The following PKHD1L1 variants were observed in gnomAD, a reference collection of about 807,000 sequenced individuals.
The protein encoded by PKHD1L1 is PKHD1 like 1.
Under a neutral mutation model 462.9 loss-of-function variants are expected in PKHD1L1, and 434 were observed. The ratio of observed to expected loss-of-function variants is 0.94; its 90% confidence interval spans 0.87 to 1.02. PKHD1L1 has a LOEUF of 1.02. Ranked by LOEUF, PKHD1L1 falls within the 50% of genes least tolerant of loss-of-function variation. The pLI is 0.00. For synonymous variants in PKHD1L1, 1,781 were observed against 1,750.0 expected (o/e 1.02, Z -0.44); for missense variants, 5,202 against 5,096.1 (o/e 1.02, Z -0.63).
At chr8:109,412,461 G>A in intron 20 of PKHD1L1, 47 bp downstream of exon 20, 13 of 1,487,272 alleles carry the variant, frequency 8.7e-6, no homozygotes, top group East Asian at 2.4e-5. Flanking sequence ...AAAATACCTT[G>A]GTAATAAAAT....
chr8:109,438,366 T>A lies in PKHD1L1; in HGVS notation c.3670T>A (p.Phe1224Ile), dbSNP rs776128351. The A allele has an allele frequency of 6.5e-7, 1 of 1,541,528 alleles. No homozygotes were observed. Among genetic ancestry groups the A allele is most frequent in the Non-Finnish European group, 8.8e-7 (1 of 1,139,036 alleles). Residue 1224 changes from phenylalanine (F) to isoleucine (I), a missense_variant, in exon 31 of 78, where the codon TTT (phenylalanine) becomes ATT (isoleucine). Phe to Ile is a conservative substitution (Grantham distance 21). Transcript: ENST00000378402. The stretch of plus-strand genomic sequence containing the variant: ...TGATATTTCAGTTACTACCAATGGA[T>A]TTCAAGCCACAGCAAGGGATGCTTT... Reference protein sequence around the residue: ...TVDISVTTNGFQATARDAFSY... With the variant: ...TVDISVTTNGIQATARDAFSY...
chr8:109,468,579 T>C (rs1817564310), intron 50 of PKHD1L1, among the ~76,000 whole-genome samples: 1 of 152,194 alleles, frequency 6.6e-6, no homozygotes, highest in Non-Finnish European at 1.5e-5. Flanking sequence ...ATTTTATATG[T>C]CTGTTTCCAC....
At chr8:109,468,057 T>C (rs1817542542) in intron 50 of PKHD1L1, among the ~76,000 whole-genome samples, 1 of 152,204 alleles carries the variant, frequency 6.6e-6, no homozygotes, top group South Asian at 2.1e-4. Context: ...TTTAATGATA[T>C]TTACAAAGTA....
At chr8:109,486,866 A>G (rs779360283) in intron 59 of PKHD1L1, 45 bp downstream of exon 59, 1 of 1,540,574 alleles carries the variant, frequency 6.5e-7, no homozygotes, top group Admixed American at 1.7e-5. Flanking sequence ...CTATAACATT[A>G]TCTCATCTAT....
rs747931987 is a variant in PKHD1L1, at chr8:109,526,875, T to C, written c.12576T>C (p.Ser4192=). The C allele has an allele frequency of 2.8e-5, 45 of 1,607,846 alleles. 1 individual carries two copies. The South Asian group carries it at 4.8e-4, about 17-fold the overall frequency. ...FSLLAESVSS[S]GSSSSSNSKA... ...TGCTGGCAGAGTCTGTCTCTAGCAG[T>C]GGCAGCAGCAGCAGCAGCAACAGCA... Residue 4192 remains serine (S), a synonymous_variant, in exon 77 of 78, where the codon AGT becomes AGC. Transcript: ENST00000378402.
intron 63 of PKHD1L1, among the ~76,000 whole-genome samples, chr8:109,495,657 A>T (rs1446716400): frequency 6.6e-6 from 1 of 152,272 alleles, no homozygotes; most frequent in East Asian, 1.9e-4. Flanking sequence ...TCTTTTAATA[A>T]TAATAATTTT....
intron 9 of PKHD1L1, among the ~76,000 whole-genome samples, chr8:109,393,497 A>G (rs1344312559): frequency 1.3e-5 from 2 of 152,170 alleles, no homozygotes; most frequent in African/African-American, 4.8e-5. Context: ...CACTGTGTTT[A>G]TTAAGGACAG....
At chr8:109,417,979 T>C (rs1814271959) in intron 21 of PKHD1L1, among the ~76,000 whole-genome samples, 1 of 152,200 alleles carries the variant, frequency 6.6e-6, no homozygotes. Flanking sequence ...CCCCCAAAAT[T>C]GTTCTACAAC....
At chr8:109,506,876 C>T (rs1207470263) in intron 68 of PKHD1L1, among the ~76,000 whole-genome samples, 1 of 152,026 alleles carries the variant, frequency 6.6e-6, no homozygotes, top group Non-Finnish European at 1.5e-5. Flanking sequence ...TGTATGCATA[C>T]CATTTGAATG....
chr8:109,402,593 C>T (rs1178667079), intron 14 of PKHD1L1, among the ~76,000 whole-genome samples: 1 of 152,178 alleles, frequency 6.6e-6, no homozygotes, highest in African/African-American at 2.4e-5. Flanking sequence ...AATGCACACA[C>T]ACTCTGCAAT....
intron 50 of PKHD1L1, chr8:109,470,514 G>A (rs1439493154): frequency 7.5e-6 from 12 of 1,610,674 alleles, no homozygotes; most frequent in Non-Finnish European, 9.3e-6. Context: ...GAAAAGAAAG[G>A]GAAAAGAAGC....
rs1279497837 is a variant in PKHD1L1, at chr8:109,535,873, A to G, written c.*5783A>G. Among the ~76,000 whole-genome samples the G allele has an allele frequency of 2.0e-5, 3 of 152,228 alleles. No homozygotes were observed. Among genetic ancestry groups the G allele is most frequent in the South Asian group, 2.1e-4 (1 of 4,836 alleles). ...GGCAACAGATCTTGGTATGAAATAA[A>G]TATCCCATGAGTAGTACATAAAAGC... On this transcript the variant is annotated 3_prime_UTR_variant, in exon 78 of 78. Coordinates refer to ENST00000378402, the MANE Select transcript of PKHD1L1 (RefSeq NM_177531.6).
At position 109,479,546 on chromosome 8, in the gene PKHD1L1, T is replaced by G. The variant is rs536424730; in HGVS notation, c.9090-5T>G. 1.5e-4 allele frequency: 229 copies of G among 1,477,936 alleles called. 5 individuals carry two copies. The Middle Eastern group carries it at 2.2e-3, about 14-fold the overall frequency. 91.6% of individuals were successfully genotyped at this position (1,477,936 alleles called of 1,614,324 possible). A position where few individuals can be genotyped will look rare whatever the true frequency, so the allele number is the denominator to read the frequency against. ...TTCATGGAAGTATTTCTCTTCTCTT[T>G]TCAGTTTATGGTCAAATGATTCTTT... On this transcript the variant is annotated splice_polypyrimidine_tract_variant and splice_region_variant and intron_variant, in intron 53 of 77. Transcript: ENST00000378402.
chr8:109,390,362 T>C (rs1418997968), intron 8 of PKHD1L1, 90 bp from the exon 9 acceptor site: 7 of 675,030 alleles, frequency 1.0e-5, no homozygotes, highest in South Asian at 4.2e-5. Flanking sequence ...TTGTACTTTT[T>C]CTCTGCTTTT....
intron 34 of PKHD1L1, among the ~76,000 whole-genome samples, chr8:109,441,612 T>C (rs1815798403): frequency 2.0e-5 from 3 of 152,152 alleles, no homozygotes; most frequent in Admixed American, 2.0e-4. Context: ...TACCATTTGG[T>C]TTTGCTCTAG....
chr8:109,384,072 A>G lies in PKHD1L1; in HGVS notation c.420A>G (p.Ala140=). ...TATTGACATTATTCTTTTTACAGGC[A>G]AAAAGTTTTAGAACCCCAACAATAA... ...HINSWECTFN[A]KSFRTPTIRS... Residue 140 remains alanine, a splice_region_variant and synonymous_variant, in exon 5 of 78, where the codon GCA becomes GCG. Transcript: ENST00000378402. The G allele has an allele frequency of 6.2e-7, 1 of 1,606,456 alleles. No homozygotes were observed.
At chr8:109,494,310 A>G (rs552707520) in intron 63 of PKHD1L1, among the ~76,000 whole-genome samples, 1 of 151,996 alleles carries the variant, frequency 6.6e-6, no homozygotes, top group African/African-American at 2.4e-5. Flanking sequence ...AAACAATATA[A>G]TCTCTACTTA....
intron 45 of PKHD1L1, among the ~76,000 whole-genome samples, chr8:109,455,674 A>G (rs1816782012): frequency 6.6e-6 from 1 of 152,016 alleles, no homozygotes; most frequent in South Asian, 2.1e-4. Flanking sequence ...GTCAGCAAGT[A>G]AAAATGATTT....
In PKHD1L1 at chr8:109,364,259, T is replaced by C. The variant is rs1563704260; in HGVS notation, c.74-288T>C. On this transcript the variant is annotated intron_variant, in intron 1 of 77. Coordinates refer to ENST00000378402, the MANE Select transcript of PKHD1L1 (RefSeq NM_177531.6). The stretch of plus-strand genomic sequence containing the variant: ...GCACTACATGAAATTAAGGATTTAA[T>C]ACGTGTTTTATAATATGATAGGTAA... Among the ~76,000 whole-genome samples the C allele has an allele frequency of 2.6e-5, 4 of 152,250 alleles. No individual in the cohort carries two copies. In the South Asian group the frequency reaches 8.3e-4, roughly 32 times the overall value.
Sources: gnomAD v4.1 joint callset for allele counts (sites outside exome capture counted in the v4.1 genomes callset) on GRCh38, gnomAD v4.1.1 for gene constraint, MANE v1.5 for transcripts, NCBI Gene and HGNC (gene_info 2026-07-23, HGNC 2026-07-21) for gene names.